Variants in TCF12 observed in about 807,000 individuals in gnomAD.
TCF12 encodes transcription factor 12, also known as DNA-binding protein HTF4.
A neutral mutation model predicts 86.0 loss-of-function variants in TCF12; 45 were observed. The observed-to-expected ratio is 0.52, with a 90% CI of 0.41 to 0.67. TCF12 has a LOEUF of 0.67. Among genes scored for constraint, TCF12 ranks in the 30% least tolerant of loss-of-function variants. The pLI, the probability that TCF12 is intolerant of heterozygous loss-of-function variation, is 0.00. For synonymous variants in TCF12, 330 were observed against 299.6 expected, an observed-to-expected ratio of 1.10 and a Z score of -1.05; for missense variants, 881 against 859.9, an observed-to-expected ratio of 1.02 and a Z score of -0.31.
At chr15:57,219,821 G>C (rs1167548199) in intron 8 of TCF12, among the ~76,000 whole-genome samples, 3 of 151,338 alleles carry the variant, frequency 2.0e-5, no homozygotes, top group African/African-American at 7.3e-5. Flanking sequence ...CGCCTCCCGG[G>C]TTCAAGCGAT....
chr15:57,080,927 G>A (rs1384608008), intron 4 of TCF12, among the ~76,000 whole-genome samples: 1 of 152,166 alleles, frequency 6.6e-6, no homozygotes, highest in Non-Finnish European at 1.5e-5. Flanking sequence ...CATCCCAGAA[G>A]ACTACTGTAC....
At chr15:57,282,163 C>A in intron 19 of TCF12, 1 of 427,356 alleles carries the variant, frequency 2.3e-6, no homozygotes, top group South Asian at 2.2e-5. Flanking sequence ...ACAGCATTTG[C>A]CAAAATGTTT....
chr15:57,071,212 G>T lies in TCF12; in HGVS notation c.222+7389G>T, dbSNP rs539429990. Among the ~76,000 whole-genome samples the T allele has an allele frequency of 2.7e-5, 4 of 150,898 alleles. No homozygotes were observed. The South Asian group carries it at 8.4e-4, about 32-fold the overall frequency. ...GCTTGAGCCCAAGAGTTTGAGACCA[G>T]CCTGGGCAACAAAATGAGACCCCCT... On this transcript the variant is annotated intron_variant, in intron 4 of 20. Coordinates refer to ENST00000333725, the MANE Select transcript of TCF12 (RefSeq NM_207037.2).
chr15:57,010,643 A>C (rs1205088182), intron 3 of TCF12, among the ~76,000 whole-genome samples: 1 of 152,166 alleles, frequency 6.6e-6, no homozygotes, highest in Non-Finnish European at 1.5e-5. Context: ...AGCAAAAATA[A>C]GGAAAATTGT....
chr15:56,941,616 C>T (rs1341562478), intron 3 of TCF12, among the ~76,000 whole-genome samples: 1 of 151,640 alleles, frequency 6.6e-6, no homozygotes, highest in Non-Finnish European at 1.5e-5. Context: ...CTCAGGTGAT[C>T]CGCCTTCCTC....
chr15:57,128,810 T>A (rs1366704801), intron 5 of TCF12, among the ~76,000 whole-genome samples: 1 of 152,256 alleles, frequency 6.6e-6, no homozygotes, highest in Admixed American at 6.5e-5. Flanking sequence ...TGACTGACTC[T>A]TTTTACTTAG....
At chr15:57,026,480 T>C (rs1354422684) in intron 3 of TCF12, among the ~76,000 whole-genome samples, 2 of 152,184 alleles carry the variant, frequency 1.3e-5, no homozygotes, top group South Asian at 2.1e-4. Context: ...ACCAGAGGAA[T>C]CCTGACTTCT....
intron 5 of TCF12, among the ~76,000 whole-genome samples, chr15:57,135,115 A>T (rs1430306115): frequency 6.6e-6 from 1 of 152,172 alleles, no homozygotes; most frequent in African/African-American, 2.4e-5. Context: ...CTTGACAGGG[A>T]TAATGGATTG....
intron 5 of TCF12, among the ~76,000 whole-genome samples, chr15:57,159,424 C>T (rs1292527458): frequency 2.6e-5 from 4 of 152,094 alleles, no homozygotes; most frequent in African/African-American, 9.7e-5. Context: ...AGCAGGTTCT[C>T]CACGAGCAAA....
intron 20 of TCF12, among the ~76,000 whole-genome samples, chr15:57,285,750 T>C (rs1224313184): frequency 6.6e-6 from 1 of 152,168 alleles, no homozygotes; most frequent in Non-Finnish European, 1.5e-5. Context: ...GATTCTGTAA[T>C]CGCATGATCT....
Position 57,247,581 on chromosome 15 carries a change from CT to C in TCF12, c.1115-3767del. 3 of 859,532 alleles carry C rather than the reference CT, an allele frequency of 3.5e-6. No individual in the cohort carries two copies. In the South Asian group the frequency reaches 3.9e-5, roughly 11 times the overall value. The allele number at this position is 859,532 out of a possible 1,614,324, so 53.2% of individuals were successfully genotyped here. On this transcript the variant is annotated intron_variant, in intron 13 of 20. Coordinates refer to ENST00000333725, the MANE Select transcript of TCF12 (RefSeq NM_207037.2). ...TTTCCACTCTGCCTGTCTTCCATAA[CT>C]TCTGCGGTTTCAATCTTGCCATACT...
chr15:57,233,701 T>A (rs1156959637), intron 11 of TCF12, among the ~76,000 whole-genome samples: 1 of 152,036 alleles, frequency 6.6e-6, no homozygotes, highest in Non-Finnish European at 1.5e-5. Flanking sequence ...GGCCTTGAAC[T>A]CGTGGGCTCA....
intron 3 of TCF12, among the ~76,000 whole-genome samples, chr15:57,014,755 C>G (rs2065047817): frequency 1.3e-5 from 2 of 151,936 alleles, no homozygotes; most frequent in South Asian, 4.2e-4. Flanking sequence ...ACAGTCAGGT[C>G]AGAAGTATGA....
At chr15:57,159,913 C>T (rs1430452319) in intron 5 of TCF12, among the ~76,000 whole-genome samples, 4 of 152,278 alleles carry the variant, frequency 2.6e-5, no homozygotes, top group African/African-American at 9.6e-5. Flanking sequence ...AACTAATAAA[C>T]TTGTCTGGAA....
At chr15:57,222,298 A>G (rs1453602524) in intron 8 of TCF12, among the ~76,000 whole-genome samples, 2 of 151,674 alleles carry the variant, frequency 1.3e-5, no homozygotes, top group Middle Eastern at 6.8e-3. Flanking sequence ...ATAAAACTGA[A>G]CAAACTCTAG....
intron 8 of TCF12, chr15:57,219,225 G>T: frequency 8.9e-7 from 1 of 1,118,594 alleles, no homozygotes; most frequent in Non-Finnish European, 1.1e-6. Context: ...TTTATTCAGG[G>T]CATATTTATT....
At chr15:57,191,582 C>T (rs1460072610) in intron 6 of TCF12, among the ~76,000 whole-genome samples, 3 of 152,134 alleles carry the variant, frequency 2.0e-5, no homozygotes, top group Non-Finnish European at 4.4e-5. Context: ...AAGTGTGATA[C>T]CACACAGCCA....
chr15:56,935,295 A>T (rs1331007110), intron 3 of TCF12, among the ~76,000 whole-genome samples: 1 of 152,052 alleles, frequency 6.6e-6, no homozygotes, highest in African/African-American at 2.4e-5. Context: ...ACACGACAGA[A>T]ATTTATTTTC....
chr15:57,107,706 G>A (rs1320405709), intron 5 of TCF12, among the ~76,000 whole-genome samples: 2 of 151,910 alleles, frequency 1.3e-5, no homozygotes, highest in African/African-American at 4.8e-5. Flanking sequence ...GTAACCTAAG[G>A]AGACCTTGTC....
Sources: gnomAD v4.1 joint callset for allele counts (sites outside exome capture counted in the v4.1 genomes callset) on GRCh38, gnomAD v4.1.1 for gene constraint, MANE v1.5 for transcripts, NCBI Gene and HGNC (gene_info 2026-07-23, HGNC 2026-07-21) for gene names.